Variants in UNC13C observed in about 807,000 individuals in gnomAD.
UNC13C encodes protein unc-13 homolog C.
In UNC13C, 174 loss-of-function variants were observed where a neutral mutation model predicts 245.4. The observed-to-expected ratio is 0.71, with a 90% CI of 0.63 to 0.80. The LOEUF (loss-of-function observed/expected upper bound fraction) is 0.80, where lower values mean the gene tolerates loss of function less well. Ranked by LOEUF, UNC13C falls within the 30% of genes least tolerant of loss-of-function variation. UNC13C has a pLI of 0.00. For synonymous variants in UNC13C, 992 were observed against 895.1 expected, an observed-to-expected ratio of 1.11 and a Z score of -1.93; for missense variants, 2,829 against 2,602.9, an observed-to-expected ratio of 1.09 and a Z score of -1.89.
chr15:54,086,774 C>T (rs1197649750), intron 2 of UNC13C, among the ~76,000 whole-genome samples: 1 of 107,864 alleles, frequency 9.3e-6, no homozygotes, highest in Non-Finnish European at 1.9e-5. Flanking sequence ...CTCTCACAGT[C>T]GCCCAGGCTG....
chr15:53,960,475 T>C, the UNC13C span, among the ~76,000 whole-genome samples: 1 of 152,158 alleles, frequency 6.6e-6, no homozygotes, highest in Non-Finnish European at 1.5e-5. Context: ...ACCACTAGTG[T>C]ATCATTTAAT....
chr15:54,180,525 C>G (rs1946528), intron 4 of UNC13C, among the ~76,000 whole-genome samples: 16,184 of 151,958 alleles, frequency 0.11, 1,456 homozygotes, highest in African/African-American at 0.24. Context: ...CCAGTAATGG[C>G]ATTGCTGGGT....
chr15:54,523,238 G>A (rs1895304230), intron 24 of UNC13C, among the ~76,000 whole-genome samples: 1 of 152,142 alleles, frequency 6.6e-6, no homozygotes, highest in African/African-American at 2.4e-5. Flanking sequence ...ATTATTAGAT[G>A]AGTATGATAA....
chr15:54,009,999 T>A (rs16973967), intron 1 of UNC13C, among the ~76,000 whole-genome samples: 3,993 of 152,256 alleles, frequency 0.026, 187 homozygotes, highest in African/African-American at 0.09. Flanking sequence ...ATCAGAGGCA[T>A]CCCTCTCTGG....
At position 54,014,194 on chromosome 15, in the gene UNC13C, G is replaced by A; in HGVS notation, c.1291G>A (p.Ala431Thr). Residue 431 changes from alanine (A) to threonine (T), a missense_variant, in exon 2 of 33, where the codon GCT (alanine) becomes ACT (threonine). By Grantham distance (58) the Ala-to-Thr change is moderately conservative. Coordinates refer to ENST00000260323, the MANE Select transcript of UNC13C (RefSeq NM_001080534.3). ...IPSSQTYESM[A>T]IKLSTPEPKI... ...ATCCTCCCAGACATATGAGAGCATG[G>A]CTATAAAGTTGTCTACTCCAGAGCC... 6.2e-7 allele frequency: 1 copy of A among 1,613,874 alleles called. No individual in the cohort carries two copies. Among genetic ancestry groups the A allele is most frequent in the Non-Finnish European group, 8.5e-7 (1 of 1,179,838 alleles).
chr15:53,851,713 A>T, the UNC13C span, among the ~76,000 whole-genome samples: 6 of 152,168 alleles, frequency 3.9e-5, no homozygotes, highest in African/African-American at 1.4e-4. Flanking sequence ...GCTTTAGATC[A>T]TGCCCTTTTT....
chr15:53,877,617 AAGG>A, the UNC13C span, among the ~76,000 whole-genome samples: 2 of 152,096 alleles, frequency 1.3e-5, no homozygotes, highest in African/African-American at 2.4e-5. Context: ...AGGAGGGGTG[AAGG>A]AGAAGAAACA....
chr15:54,398,110 CAAGTTGAGG>C (rs2040108338), intron 18 of UNC13C, among the ~76,000 whole-genome samples: 2 of 151,250 alleles, frequency 1.3e-5, no homozygotes, highest in African/African-American at 4.8e-5. Flanking sequence ...AATGCTTTAT[CAAGTTGAGG>C]AAGTTCTGTT....
chr15:54,471,355 T>G (rs72736530), intron 19 of UNC13C, among the ~76,000 whole-genome samples: 19,214 of 151,656 alleles, frequency 0.13, 1,346 homozygotes, highest in Non-Finnish European at 0.17. Flanking sequence ...CTTAATGAGA[T>G]CTGTAGTTGC....
chr15:53,937,498 G>T, the UNC13C span, among the ~76,000 whole-genome samples: 1 of 152,130 alleles, frequency 6.6e-6, no homozygotes, highest in Non-Finnish European at 1.5e-5. Flanking sequence ...AACCTAGCAA[G>T]ACAGGCCAGC....
intron 30 of UNC13C, among the ~76,000 whole-genome samples, chr15:54,612,714 A>T (rs1900183228): frequency 6.6e-6 from 1 of 152,004 alleles, no homozygotes; most frequent in Non-Finnish European, 1.5e-5. Context: ...TTATTGTTGC[A>T]AACGAAGTGG....
intron 18 of UNC13C, among the ~76,000 whole-genome samples, chr15:54,395,418 T>C (rs1200589304): frequency 2.0e-5 from 3 of 151,944 alleles, no homozygotes; most frequent in East Asian, 1.9e-4. Flanking sequence ...CATGGGCTAC[T>C]AGCTGGATTT....
chr15:54,131,373 T>C (rs1355842525), intron 2 of UNC13C, among the ~76,000 whole-genome samples: 1 of 152,210 alleles, frequency 6.6e-6, no homozygotes, highest in African/African-American at 2.4e-5. Context: ...ATATAATTTA[T>C]ATTCCTTAAT....
chr15:53,962,837 A>T, the UNC13C span, among the ~76,000 whole-genome samples: 1 of 152,216 alleles, frequency 6.6e-6, no homozygotes, highest in African/African-American at 2.4e-5. Context: ...TTACACTGTG[A>T]GCCTTCCCTT....
At chr15:53,906,671 A>G in the UNC13C span, among the ~76,000 whole-genome samples, 1 of 152,178 alleles carries the variant, frequency 6.6e-6, no homozygotes, top group Admixed American at 6.5e-5. Context: ...GTTGTTGTCA[A>G]TTCTTTCAGA....
At chr15:54,310,400 A>G (rs923259683) in intron 13 of UNC13C, among the ~76,000 whole-genome samples, 14 of 151,836 alleles carry the variant, frequency 9.2e-5, no homozygotes, top group Non-Finnish European at 1.5e-4. Flanking sequence ...AAGAGCAATG[A>G]TTGCCTCAGG....
intron 2 of UNC13C, among the ~76,000 whole-genome samples, chr15:54,141,334 T>G (rs2032008559): frequency 6.6e-6 from 1 of 152,172 alleles, no homozygotes; most frequent in African/African-American, 2.4e-5. Flanking sequence ...TTATATAGTT[T>G]GTTTTGGTTT....
At chr15:54,566,549 AC>A (rs1897523705) in intron 29 of UNC13C, among the ~76,000 whole-genome samples, 1 of 152,008 alleles carries the variant, frequency 6.6e-6, no homozygotes, top group Non-Finnish European at 1.5e-5. Context: ...ATTTCAAAGG[AC>A]CATAGGTTTC....
intron 18 of UNC13C, among the ~76,000 whole-genome samples, chr15:54,410,842 T>A (rs2040402812): frequency 6.6e-6 from 1 of 152,202 alleles, no homozygotes; most frequent in South Asian, 2.1e-4. Context: ...ATGTTTGGGT[T>A]CTTTCTTGGT....
Sources: gnomAD v4.1 joint callset for allele counts (sites outside exome capture counted in the v4.1 genomes callset) on GRCh38, gnomAD v4.1.1 for gene constraint, MANE v1.5 for transcripts, NCBI Gene and HGNC (gene_info 2026-07-23, HGNC 2026-07-21) for gene names.